Variants in ADCY4 observed in about 807,000 individuals in gnomAD.
ADCY4 encodes the protein adenylate cyclase 4, also known as adenylate cyclase type 4.
Under a neutral mutation model 125.5 loss-of-function variants are expected in ADCY4, and 111 were observed. The ratio of observed to expected loss-of-function variants is 0.88; its 90% CI spans 0.76 to 1.04. The LOEUF (loss-of-function observed/expected upper bound fraction) is 1.04. Among genes scored for constraint, ADCY4 ranks in the 50% least tolerant of loss-of-function variants. The probability of loss-of-function intolerance (pLI) is 0.00; values close to 1 mark genes in which losing one functional copy is unlikely to be tolerated. For missense variants in ADCY4, 1,256 were observed against 1,382.9 expected (o/e 0.91, Z 1.46); for synonymous variants, 576 against 586.9 (o/e 0.98, Z 0.27).
rs1368434214 is a variant in ADCY4, at chr14:24,332,383, T to C, written c.519+139A>G. On this transcript the variant is annotated intron_variant, in intron 3 of 24. Transcript: ENST00000418030. ...CATTGCATCACACTGTTGTACCAGC[T>C]CTGCGAAAGCACGGTTGGGTATCCT... is the stretch of plus-strand genomic sequence containing the variant. The C allele has an allele frequency of 9.2e-6, 9 of 978,912 alleles. No homozygotes were observed. In the East Asian group the frequency reaches 1.9e-4, roughly 20 times the overall value. 60.6% of individuals were successfully genotyped at this position (978,912 alleles called of 1,614,324 possible).
intron 23 of ADCY4, 49 bp from the exon 24 acceptor site, chr14:24,318,827 A>G (rs2041809017): frequency 6.2e-7 from 1 of 1,611,524 alleles, no homozygotes; most frequent in African/African-American, 1.3e-5. Flanking sequence ...AGAGGGGAAG[A>G]GGAAGCCACA....
rs1019269105 is a variant in ADCY4 at position 24,326,441 on chromosome 14, C to T, written c.1525-99G>A. The T allele has an allele frequency of 9.1e-6, 13 of 1,433,070 alleles. No homozygotes were observed. The South Asian group carries it at 1.2e-4, about 13-fold the overall frequency. The allele number at this position is 1,433,070 out of a possible 1,614,324, so 88.8% of individuals were successfully genotyped here. ...TGCATGCTCTATACATGTCTTTGAC[C>T]TTGGGCATTTCACTGGGCTCTTTCT... On this transcript the variant is annotated intron_variant, in intron 10 of 24. Transcript: ENST00000418030.
At chr14:24,330,839 G>A in intron 6 of ADCY4, 179 bp downstream of exon 6, 1 of 603,944 alleles carries the variant, frequency 1.7e-6, no homozygotes, top group Non-Finnish European at 2.9e-6. Flanking sequence ...GAGGTGTGTG[G>A]TGAGCAGCTT....
Position 24,325,853 on chromosome 14 carries a change from T to G in ADCY4, c.1690A>C (p.Thr564Pro). The G allele has an allele frequency of 7.5e-6, 12 of 1,597,874 alleles. No homozygotes were observed. The highest frequency in any genetic ancestry group is 1.0e-5 in the Non-Finnish European group (12 of 1,170,330). The change falls in exon 13 of 25, where the codon ACA becomes CCA. Residue 564 changes from threonine to proline, a missense_variant. By Grantham distance (38) the Thr-to-Pro change is conservative. Transcript: ENST00000418030. ...ATCTCCTTCTCTCTGAAGTACAGTG[T>G]CAGTGGGTTGAAGTCCTTCGACTGC... ...WKQSKDFNPL[T>P]LYFREKEMEK...
At chr14:24,324,257 G>T (rs754859175) in intron 15 of ADCY4, 50 bp downstream of exon 15, 1 of 1,614,156 alleles carries the variant, frequency 6.2e-7, no homozygotes, top group Non-Finnish European at 8.5e-7. Context: ...TTCAGGACAG[G>T]TTGTGACCAG....
rs140310955 is a variant in ADCY4 at position 24,330,154 on chromosome 14, C to T, written c.1058+14G>A. The T allele has an allele frequency of 2.0e-5, 33 of 1,611,496 alleles. No individual in the cohort carries two copies. The highest frequency in any genetic ancestry group is 2.6e-5 in the Non-Finnish European group (31 of 1,178,000). On this transcript the variant is annotated intron_variant, in intron 7 of 24. Transcript: ENST00000418030. ...CCACCCTCAGCATTCCTCTTGACCACCGCCTGAGCTGACCTGATGGCCCGG... is the reference window on the plus strand; with the variant it reads ...CCACCCTCAGCATTCCTCTTGACCATCGCCTGAGCTGACCTGATGGCCCGG...
chr14:24,322,200 A>T lies in ADCY4; in HGVS notation c.2452T>A (p.Phe818Ile), dbSNP rs985461385. 2 of 1,613,942 alleles carry T rather than the reference A, an allele frequency of 1.2e-6. No homozygotes were observed. Among genetic ancestry groups the T allele is most frequent in the South Asian group, 1.1e-5 (1 of 91,072 alleles). Residue 818 changes from phenylalanine to isoleucine, a missense_variant, in exon 20 of 25, where the codon TTC (phenylalanine) becomes ATC (isoleucine). Coordinates refer to ENST00000418030, the MANE Select transcript of ADCY4 (RefSeq NM_001198568.2). ...RQNEYYCRLD[F>I]LWKKKLRQER... ...TGCCTCAGCTTCTTCTTCCACAGGA[A>T]GTCCAGGCGGCAGTAGTACTCATTC...
intron 8 of ADCY4, 137 bp from the exon 9 acceptor site, chr14:24,329,670 A>G: frequency 7.0e-7 from 1 of 1,420,194 alleles, no homozygotes; most frequent in Non-Finnish European, 9.3e-7. Flanking sequence ...TCTGACTTCA[A>G]GAAAGAGCCT....
chr14:24,322,498 A>G, intron 19 of ADCY4, 126 bp downstream of exon 19: 1 of 1,041,612 alleles, frequency 9.6e-7, no homozygotes, highest in Non-Finnish European at 1.4e-6. Context: ...AGGAGAAGAA[A>G]GGAAGCAGGA....
intron 20 of ADCY4, chr14:24,321,653 C>T (rs1312230201): frequency 3.7e-6 from 1 of 269,882 alleles, no homozygotes; most frequent in African/African-American, 2.3e-5. Context: ...CTATGAGAAT[C>T]TGATGCTGCT....
chr14:24,329,598 T>G, intron 8 of ADCY4, 65 bp from the exon 9 acceptor site: 5 of 1,496,220 alleles, frequency 3.3e-6, no homozygotes, highest in Non-Finnish European at 4.4e-6. Flanking sequence ...TCCTGCCCCA[T>G]CACCCCCATG....
At position 24,322,767 on chromosome 14, in the gene ADCY4, GC is replaced by G. The variant is rs567172281; in HGVS notation, c.2343-60del. The G allele has an allele frequency of 6.4e-4, 1,020 of 1,585,002 alleles. 8 individuals are homozygous for G. In the African/African-American group the frequency reaches 0.012, roughly 18 times the overall value. Reference sequence around the variant, plus strand: ...TTTCCCCCTTCCTGGCCTTCTCCCTGCCCCCATGTAGGCCTCCGCTTCCCTC... The same window carrying G: ...TTTCCCCCTTCCTGGCCTTCTCCCTGCCCCATGTAGGCCTCCGCTTCCCTC... On this transcript the variant is annotated intron_variant, in intron 18 of 24. Transcript: ENST00000418030.
In ADCY4 at chr14:24,324,057, C is replaced by T. The variant is rs2041900139; in HGVS notation, c.2046+5G>A. ...GGGGGTGGATAGGGCCCCCTCTGTC[C>T]TCACCAGGCTGGTAATGGCCATGGC... On this transcript the variant is annotated splice_donor_5th_base_variant and intron_variant, in intron 16 of 24. Coordinates refer to ENST00000418030, the MANE Select transcript of ADCY4 (RefSeq NM_001198568.2). 1 of 1,613,786 alleles carries T rather than the reference C, an allele frequency of 6.2e-7. No individual in the cohort carries two copies. The highest frequency in any genetic ancestry group is 8.5e-7 in the Non-Finnish European group (1 of 1,179,870).
intron 19 of ADCY4, 142 bp downstream of exon 19, chr14:24,322,482 G>A (rs758824128): frequency 5.3e-6 from 5 of 946,044 alleles, no homozygotes; most frequent in Non-Finnish European, 7.9e-6. Context: ...GAGGGGCAGG[G>A]AGTGAAGGAG....
chr14:24,329,868 A>T lies in ADCY4; in HGVS notation c.1209T>A (p.Gly403=). The change falls in exon 8 of 25, where the codon GGT becomes GGA. Residue 403 remains glycine (G), a synonymous_variant. Transcript: ENST00000418030. ...VTLANHMEAG[G]VPGRVHITGA... is the part of the protein sequence containing the mutation. The stretch of plus-strand genomic sequence containing the variant: ...AGGGCCCTAGGTCTCACCCTGGTAC[A>T]CCGCCTGCCTCCATGTGGTTAGCCA... 6.2e-7 allele frequency: 1 copy of T among 1,613,550 alleles called. No homozygotes were observed. The highest frequency in any genetic ancestry group is 8.5e-7 in the Non-Finnish European group (1 of 1,179,660).
chr14:24,330,025 A>AGT lies in ADCY4; in HGVS notation c.1059-9_1059-8dup, dbSNP rs753840312. On this transcript the variant is annotated splice_polypyrimidine_tract_variant and splice_region_variant and intron_variant, in intron 7 of 24. Transcript: ENST00000418030. ...AGTGGCTGCCCGCAGTTTCCTGAGC[A>AGT]GTGTGTGTGTGGGACAATCTGAGTC... 1.6e-5 allele frequency: 26 copies of AGT among 1,612,406 alleles called. No homozygotes were observed. The highest frequency in any genetic ancestry group is 3.3e-4 in the Middle Eastern group (2 of 6,046).
chr14:24,332,806 C>T lies in ADCY4; in HGVS notation c.342G>A (p.Val114=). 1 of 1,560,022 alleles carries T rather than the reference C, an allele frequency of 6.4e-7. No homozygotes were observed. Among genetic ancestry groups the T allele is most frequent in the Non-Finnish European group, 8.7e-7 (1 of 1,149,602 alleles). ...GHAFLFTGGV[V]SAWDQVSYFL... ...CCCCTCTCACCTGGTCCCAGGCGCT[C>T]ACCACGCCCCCGGTGAACAGGAAGG... is the stretch of plus-strand genomic sequence containing the variant. The change falls in exon 2 of 25, where the codon GTG becomes GTA. Residue 114 remains valine (V), a synonymous_variant. Coordinates refer to ENST00000418030, the MANE Select transcript of ADCY4 (RefSeq NM_001198568.2).
At position 24,322,975 on chromosome 14, in the gene ADCY4, G is replaced by A; in HGVS notation, c.2271C>T (p.Leu757=). The A allele has an allele frequency of 6.2e-7, 1 of 1,614,024 alleles. No homozygotes were observed. Among genetic ancestry groups the A allele is most frequent in the Non-Finnish European group, 8.5e-7 (1 of 1,179,976 alleles). The change falls in exon 18 of 25, where the codon CTC becomes CTT. Residue 757 remains leucine (L), a synonymous_variant. Transcript: ENST00000418030. ...LLLWLAASCS[L]FLHSHAWLSE... is the part of the protein sequence containing the mutation. Reference sequence around the variant, plus strand: ...ACAGCCAGGCATGGGAGTGCAGGAAGAGGGAGCAGGATGCCGCCAGCCACA... The same window carrying A: ...ACAGCCAGGCATGGGAGTGCAGGAAAAGGGAGCAGGATGCCGCCAGCCACA...
chr14:24,330,448 A>T, intron 6 of ADCY4, 153 bp from the exon 7 acceptor site: 1 of 991,830 alleles, frequency 1.0e-6, no homozygotes, highest in South Asian at 1.6e-5. Flanking sequence ...CTTTCACTTG[A>T]TATGGGGCTA....
Sources: gnomAD v4.1 joint callset for allele counts on GRCh38, gnomAD v4.1.1 for gene constraint, MANE v1.5 for transcripts, NCBI Gene and HGNC (gene_info 2026-07-23, HGNC 2026-07-21) for gene names.